Variants in DLG2 observed in about 807,000 individuals in gnomAD.
DLG2 encodes discs large MAGUK scaffold protein 2, also known as disks large homolog 2.
DLG2 carries 45 observed loss-of-function variants against 132.5 expected under a neutral mutation model. That is an observed-to-expected ratio of 0.34 (90% CI 0.27 to 0.44). The LOEUF (loss-of-function observed/expected upper bound fraction) is 0.44. Among genes scored for constraint, DLG2 ranks in the 20% least tolerant of loss-of-function variants. DLG2 has a pLI of 1.00. For synonymous variants in DLG2, 424 were observed against 419.6 expected (o/e 1.01, Z -0.13); for missense variants, 1,045 against 1,196.9 (o/e 0.87, Z 1.87).
chr11:84,380,576 A>T (rs1231638733), intron 7 of DLG2, among the ~76,000 whole-genome samples: 1 of 151,980 alleles, frequency 6.6e-6, no homozygotes, highest in African/African-American at 2.4e-5. Context: ...TGCTAAAATG[A>T]TTGAAAGAAG....
At chr11:83,654,893 G>A (rs1566328573) in intron 18 of DLG2, among the ~76,000 whole-genome samples, 1 of 152,150 alleles carries the variant, frequency 6.6e-6, no homozygotes, top group African/African-American at 2.4e-5. Context: ...TAGAGATGGG[G>A]GCATGGATAA....
chr11:84,444,235 G>C (rs2099026110), intron 7 of DLG2, among the ~76,000 whole-genome samples: 1 of 152,098 alleles, frequency 6.6e-6, no homozygotes, highest in African/African-American at 2.4e-5. Context: ...GGCAGGGAAA[G>C]GGGGAGCATC....
At chr11:85,170,378 C>A (rs1168878559) in intron 4 of DLG2, among the ~76,000 whole-genome samples, 5 of 152,118 alleles carry the variant, frequency 3.3e-5, no homozygotes, top group African/African-American at 1.2e-4. Context: ...CAGAGAGTGA[C>A]CTTTCCAGGT....
intron 11 of DLG2, among the ~76,000 whole-genome samples, chr11:84,042,088 C>T (rs1325034491): frequency 6.6e-6 from 1 of 151,930 alleles, no homozygotes; most frequent in Non-Finnish European, 1.5e-5. Flanking sequence ...ATCTCTTTAT[C>T]AGCAGCATGA....
At chr11:83,862,276 T>C (rs1190718902) in intron 16 of DLG2, among the ~76,000 whole-genome samples, 2 of 152,080 alleles carry the variant, frequency 1.3e-5, no homozygotes, top group Admixed American at 1.3e-4. Flanking sequence ...AAGAATGAGA[T>C]CCTGTCATTG....
At chr11:83,946,205 G>A (rs1157919247) in intron 14 of DLG2, among the ~76,000 whole-genome samples, 2 of 151,906 alleles carry the variant, frequency 1.3e-5, no homozygotes, top group African/African-American at 2.4e-5. Flanking sequence ...GGCCAGGCTC[G>A]TCGAACTCCT....
chr11:84,591,072 C>CT (rs1454775245), intron 6 of DLG2, among the ~76,000 whole-genome samples: 1 of 152,170 alleles, frequency 6.6e-6, no homozygotes, highest in African/African-American at 2.4e-5. Flanking sequence ...CCAATGTTAT[C>CT]TTTCATCCTC....
At chr11:84,806,425 A>C (rs191569378) in intron 6 of DLG2, among the ~76,000 whole-genome samples, 7 of 152,324 alleles carry the variant, frequency 4.6e-5, no homozygotes, top group Admixed American at 3.9e-4. Flanking sequence ...AAATTCATGA[A>C]AGCAGCAAGA....
chr11:84,083,195 G>A (rs1285393448), intron 10 of DLG2, among the ~76,000 whole-genome samples: 4 of 152,098 alleles, frequency 2.6e-5, no homozygotes, highest in Admixed American at 1.3e-4. Flanking sequence ...CAGGAGAATC[G>A]CTTGAACCCA....
At chr11:83,587,651 A>ATG (rs2097108604) in intron 19 of DLG2, among the ~76,000 whole-genome samples, 2 of 152,202 alleles carry the variant, frequency 1.3e-5, no homozygotes, top group South Asian at 4.1e-4. Context: ...ATAGAGAGGA[A>ATG]TAGGAACAGC....
chr11:84,655,143 T>A (rs1247685218), intron 6 of DLG2, among the ~76,000 whole-genome samples: 6 of 152,200 alleles, frequency 3.9e-5, no homozygotes, highest in African/African-American at 1.4e-4. Flanking sequence ...AAGGCTCTGA[T>A]CTGCCCTGTG....
chr11:83,556,465 C>A (rs139103633), intron 19 of DLG2, among the ~76,000 whole-genome samples: 1 of 151,952 alleles, frequency 6.6e-6, no homozygotes, highest in Non-Finnish European at 1.5e-5. Context: ...CTCCACCTCC[C>A]GGGTTCAAGT....
chr11:83,729,201 C>T (rs1421780330), intron 18 of DLG2, among the ~76,000 whole-genome samples: 2 of 152,120 alleles, frequency 1.3e-5, no homozygotes, highest in African/African-American at 2.4e-5. Context: ...ACGTTCATTG[C>T]CACTAAGGAT....
chr11:85,159,017 T>C (rs2077822984), intron 4 of DLG2, among the ~76,000 whole-genome samples: 1 of 152,172 alleles, frequency 6.6e-6, no homozygotes, highest in African/African-American at 2.4e-5. Flanking sequence ...AGGACCCTAC[T>C]ACACTACCAA....
At chr11:85,487,443 A>C (rs2153100195) in intron 3 of DLG2, among the ~76,000 whole-genome samples, 1 of 151,518 alleles carries the variant, frequency 6.6e-6, no homozygotes, top group Middle Eastern at 3.4e-3. Context: ...AAACCTCAGG[A>C]TATGATGAAA....
chr11:84,849,732 G>C (rs1038550593), intron 6 of DLG2, among the ~76,000 whole-genome samples: 5 of 151,968 alleles, frequency 3.3e-5, no homozygotes, highest in Non-Finnish European at 7.4e-5. Context: ...TTCTTTTATA[G>C]CACTTACAAC....
chr11:84,540,490 G>A (rs974445272), intron 6 of DLG2, among the ~76,000 whole-genome samples: 3 of 152,230 alleles, frequency 2.0e-5, no homozygotes, highest in African/African-American at 7.2e-5. Context: ...GAACCACAAT[G>A]AGATACCATC....
intron 4 of DLG2, among the ~76,000 whole-genome samples, chr11:85,189,791 C>G (rs561262341): frequency 6.6e-6 from 1 of 152,070 alleles, no homozygotes; most frequent in Admixed American, 6.6e-5. Flanking sequence ...ACTACACTCA[C>G]AATGAATGTA....
chr11:83,509,336 C>T (rs1199800011), intron 21 of DLG2, among the ~76,000 whole-genome samples: 1 of 152,204 alleles, frequency 6.6e-6, no homozygotes, highest in Non-Finnish European at 1.5e-5. Context: ...ATCATCACCA[C>T]TTGTAATGAG....
Sources: allele counts gnomAD v4.1 joint callset (sites outside exome capture counted in the v4.1 genomes callset), GRCh38; gene constraint gnomAD v4.1.1; transcripts MANE v1.5; gene names NCBI Gene and HGNC (gene_info 2026-07-23, HGNC 2026-07-21).